The following TFAM variants were observed in gnomAD, a reference collection of about 807,000 sequenced individuals.
The protein encoded by TFAM is mitochondrial transcription factor 1.
Under a neutral mutation model 30.6 loss-of-function variants are expected in TFAM, and 13 were observed. That is an observed-to-expected ratio of 0.42 (90% confidence interval 0.28 to 0.67). The LOEUF (loss-of-function observed/expected upper bound fraction) is 0.67, where lower values mean the gene tolerates loss of function less well. TFAM is among the 30% of genes least tolerant of loss of function. The pLI, the probability that TFAM is intolerant of heterozygous loss-of-function variation, is 0.21. For synonymous variants in TFAM, 106 were observed against 94.8 expected (o/e 1.12, Z -0.69); for missense variants, 231 against 293.7 (o/e 0.79, Z 1.56).
At chr10:58,391,897 G>A (rs1274373554) in intron 5 of TFAM, among the ~76,000 whole-genome samples, 1 of 146,482 alleles carries the variant, frequency 6.8e-6, no homozygotes, top group East Asian at 2.0e-4. Context: ...TTTCCCTGAA[G>A]TTGCTTATGT....
rs911130884 is a variant in TFAM at position 58,385,493 on chromosome 10, T to G, written c.-55T>G. On this transcript the variant is annotated 5_prime_UTR_variant, in exon 1 of 7. Transcript: ENST00000487519. The stretch of plus-strand genomic sequence containing the variant: ...CAGTTGTGATTGCTGGAGTTGTGTA[T>G]TGCCAGGAGGCTCTCCGAGATTGGG... 12 of 1,384,006 alleles carry G rather than the reference T, an allele frequency of 8.7e-6. No individual in the cohort carries two copies. Among genetic ancestry groups the G allele is most frequent in the African/African-American group, 1.4e-5 (1 of 69,846 alleles). The allele number at this position is 1,384,006 out of a possible 1,614,324, so 85.7% of individuals were successfully genotyped here.
chr10:58,386,793 C>A (rs1222160471), intron 2 of TFAM: 1 of 768,090 alleles, frequency 1.3e-6, no homozygotes, highest in Non-Finnish European at 1.6e-6. Context: ...AAAGGATAAA[C>A]CTTTTCATCA....
chr10:58,393,258 C>G (rs780308742), intron 5 of TFAM, among the ~76,000 whole-genome samples: 49 of 152,174 alleles, frequency 3.2e-4, no homozygotes, highest in African/African-American at 1.2e-3. Flanking sequence ...GGATTACAGG[C>G]GTGAGCCACC....
chr10:58,390,744 C>G, intron 4 of TFAM, 21 bp from the exon 5 acceptor site: 1 of 1,594,872 alleles, frequency 6.3e-7, no homozygotes, highest in Non-Finnish European at 8.6e-7. Flanking sequence ...TATTTTTGAC[C>G]CTCCAATTTT....
rs115863834 is a variant in TFAM, at chr10:58,394,674, C to T, written c.595-254C>T. Reference sequence around the variant, plus strand: ...CAGTGGCAGTGATACCCTGCTGCTGCCCCCTTCCTGCACCTCAAGATCTGA... The same window carrying T: ...CAGTGGCAGTGATACCCTGCTGCTGTCCCCTTCCTGCACCTCAAGATCTGA... On this transcript the variant is annotated intron_variant, in intron 6 of 6. Transcript: ENST00000487519. The T allele has an allele frequency of 8.1e-4, 514 of 636,038 alleles. 2 individuals are homozygous for T. The African/African-American group carries it at 8.8e-3, about 11-fold the overall frequency. 39.4% of individuals were successfully genotyped at this position (636,038 alleles called of 1,614,324 possible).
intron 5 of TFAM, among the ~76,000 whole-genome samples, chr10:58,392,750 C>T (rs571824568): frequency 6.6e-6 from 1 of 152,052 alleles, no homozygotes; most frequent in African/African-American, 2.4e-5. Flanking sequence ...TCTCAGCTCA[C>T]TGCAGCCTCT....
chr10:58,394,918 T>C lies in TFAM; in HGVS notation c.595-10T>C, dbSNP rs904254994. Reference sequence around the variant, plus strand: ...AAGTAAATCATTTTAACAGTTATGCTTTTTCTCAGTTATATATTCAGCATG... The same window carrying C: ...AAGTAAATCATTTTAACAGTTATGCCTTTTCTCAGTTATATATTCAGCATG... On this transcript the variant is annotated splice_polypyrimidine_tract_variant and intron_variant, in intron 6 of 6. Transcript: ENST00000487519. 1 of 1,610,330 alleles carries C rather than the reference T, an allele frequency of 6.2e-7. No individual in the cohort carries two copies. The highest frequency in any genetic ancestry group is 1.3e-5 in the African/African-American group (1 of 74,808).
rs887972109 is a variant in TFAM at position 58,386,072 on chromosome 10, G to A, written c.102-148G>A. On this transcript the variant is annotated intron_variant, in intron 1 of 6. Transcript: ENST00000487519. ...GACGCTCCCCTCCGTTTAGGACAGG[G>A]TTTTAATAAGTCTCTAGCATTCTTG... is the stretch of plus-strand genomic sequence containing the variant. 8.2e-5 allele frequency: 61 copies of A among 742,362 alleles called. 2 individuals carry two copies. In the South Asian group the frequency reaches 8.7e-4, roughly 11 times the overall value. 46.0% of individuals were successfully genotyped at this position (742,362 alleles called of 1,614,324 possible).
At position 58,394,490 on chromosome 10, in the gene TFAM, T is replaced by G. The variant is rs191580080; in HGVS notation, c.594+76T>G. The G allele has an allele frequency of 5.7e-5, 70 of 1,219,978 alleles. No homozygotes were observed. The East Asian group carries it at 1.1e-3, about 19-fold the overall frequency. The allele number at this position is 1,219,978 out of a possible 1,614,324, so 75.6% of individuals were successfully genotyped here. On this transcript the variant is annotated intron_variant, in intron 6 of 6. Coordinates refer to ENST00000487519, the MANE Select transcript of TFAM (RefSeq NM_003201.3). ...AGAATGTATTAGGGCAAGGCTTGAT[T>G]CATGTGAAGACAACCTTGTATTACT... is the stretch of plus-strand genomic sequence containing the variant.
chr10:58,388,311 G>C (rs770430171), intron 3 of TFAM, 51 bp downstream of exon 3: 1 of 1,477,546 alleles, frequency 6.8e-7, no homozygotes, highest in Non-Finnish European at 9.5e-7. Flanking sequence ...GCAGTTAGGA[G>C]CAATTGTCAT....
In TFAM at chr10:58,388,387, A is replaced by T. The variant is rs1840530780; in HGVS notation, c.291+127A>T. The T allele has an allele frequency of 3.6e-6, 3 of 843,720 alleles. No homozygotes were observed. The South Asian group carries it at 4.4e-5, about 12-fold the overall frequency. 52.3% of individuals were successfully genotyped at this position (843,720 alleles called of 1,614,324 possible). A position where few individuals can be genotyped will look rare whatever the true frequency, so the allele number is the denominator to read the frequency against. On this transcript the variant is annotated intron_variant, in intron 3 of 6. Transcript: ENST00000487519. ...AATCTGTTATCTACAAAGAAACTTT[A>T]TGTCTTCTCATCTGCATAAATAATG...
chr10:58,386,053 C>T (rs944717134), intron 1 of TFAM, among the ~76,000 whole-genome samples, 167 bp from the exon 2 acceptor site: 1 of 151,232 alleles, frequency 6.6e-6, no homozygotes, highest in Non-Finnish European at 1.5e-5. Flanking sequence ...TGCAGACGCT[C>T]CCCTCCGTTT....
chr10:58,388,587 C>T, intron 3 of TFAM, 83 bp from the exon 4 acceptor site: 2 of 1,438,530 alleles, frequency 1.4e-6, no homozygotes, highest in Non-Finnish European at 2.0e-6. Flanking sequence ...TGTCTGAAGT[C>T]ATGCAGTTGC....
chr10:58,395,035 A>G lies in TFAM; in HGVS notation c.702A>G (p.Thr234=), dbSNP rs763538442. The G allele has an allele frequency of 5.6e-6, 9 of 1,613,804 alleles. No individual in the cohort carries two copies. The South Asian group carries it at 7.7e-5, about 14-fold the overall frequency. ...EVGRKDLLRR[T]IKKQRKYGAE... is the part of the protein sequence containing the mutation. Reference sequence around the variant, plus strand: ...GACGAAAGGATCTTCTACGTCGCACAATAAAGAAACAACGAAAATATGGTG... The same window carrying G: ...GACGAAAGGATCTTCTACGTCGCACGATAAAGAAACAACGAAAATATGGTG... Residue 234 remains threonine (T), a synonymous_variant, in exon 7 of 7, where the codon ACA becomes ACG. Coordinates refer to ENST00000487519, the MANE Select transcript of TFAM (RefSeq NM_003201.3).
intron 5 of TFAM, among the ~76,000 whole-genome samples, 154 bp from the exon 6 acceptor site, chr10:58,394,204 A>G (rs1451194543): frequency 1.3e-5 from 2 of 152,218 alleles, no homozygotes; most frequent in Non-Finnish European, 1.5e-5. Flanking sequence ...GTAAATTGTA[A>G]CAGTTTGATA....
intron 1 of TFAM, among the ~76,000 whole-genome samples, chr10:58,385,910 T>G (rs1281286187): frequency 7.2e-5 from 11 of 152,160 alleles, no homozygotes; most frequent in East Asian, 3.9e-4. Flanking sequence ...CCTTTCCGCC[T>G]CCTCTGCGAA....
At chr10:58,392,205 T>A (rs952083114) in intron 5 of TFAM, among the ~76,000 whole-genome samples, 5 of 152,182 alleles carry the variant, frequency 3.3e-5, no homozygotes, top group African/African-American at 1.2e-4. Flanking sequence ...GAGATTAAAT[T>A]TTTGAGTTTT....
intron 6 of TFAM, 99 bp downstream of exon 6, chr10:58,394,513 ACTAATAATACAAGTATT>A (rs772073903): frequency 1.0e-6 from 1 of 986,826 alleles, no homozygotes. Context: ...ACCTTGTATT[ACTAATAATACAAGTATT>A]CTAAAATTAT....
In TFAM at chr10:58,390,788, A is replaced by G. The variant is rs183160811; in HGVS notation, c.465A>G (p.Pro155=). 1 of 1,612,800 alleles carries G rather than the reference A, an allele frequency of 6.2e-7. No homozygotes were observed. Among genetic ancestry groups the G allele is most frequent in the Admixed American group, 1.7e-5 (1 of 60,014 alleles). The change falls in exon 5 of 7, where the codon CCA becomes CCG. Residue 155 remains proline (P), a synonymous_variant. Transcript: ENST00000487519. ...KKKELTLLGK[P]KRPRSAYNVY... is the part of the protein sequence containing the mutation. Reference sequence around the variant, plus strand: ...AGGAGTTAACACTGCTTGGAAAACCAAAAAGACCTCGTTCAGCTTATAACG... The same window carrying G: ...AGGAGTTAACACTGCTTGGAAAACCGAAAAGACCTCGTTCAGCTTATAACG...
Sources: gnomAD v4.1 joint callset for allele counts (sites outside exome capture counted in the v4.1 genomes callset) on GRCh38, gnomAD v4.1.1 for gene constraint, MANE v1.5 for transcripts, NCBI Gene and HGNC (gene_info 2026-07-23, HGNC 2026-07-21) for gene names.